Variants in SEMA3D observed in about 807,000 individuals in gnomAD.
SEMA3D encodes the protein semaphorin 3D.
A neutral mutation model predicts 100.1 loss-of-function variants in SEMA3D; 84 were observed. The ratio of observed to expected loss-of-function variants is 0.84; its 90% CI spans 0.70 to 1.01. The LOEUF is 1.01. Ranked by LOEUF, SEMA3D falls within the 50% of genes least tolerant of loss-of-function variation. The probability of loss-of-function intolerance (pLI) is 0.00; values close to 1 mark genes in which losing one functional copy is unlikely to be tolerated. For synonymous variants in SEMA3D, 312 were observed against 320.7 expected (o/e 0.97, Z 0.29); for missense variants, 875 against 934.1 (o/e 0.94, Z 0.82).
chr7:85,105,545 GA>G (rs1469469816), intron 3 of SEMA3D, among the ~76,000 whole-genome samples: 1 of 151,944 alleles, frequency 6.6e-6, no homozygotes, highest in Non-Finnish European at 1.5e-5. Context: ...AGCATATAAA[GA>G]AAAAATATTA....
intron 12 of SEMA3D, chr7:85,029,446 A>C: frequency 2.7e-6 from 2 of 751,362 alleles, no homozygotes; most frequent in Non-Finnish European, 4.9e-6. Context: ...CAAGATTAAC[A>C]ATGAGCACAA....
the SEMA3D span, among the ~76,000 whole-genome samples, chr7:85,214,847 C>T: frequency 2.0e-5 from 3 of 151,978 alleles, no homozygotes; most frequent in Non-Finnish European, 4.4e-5. Flanking sequence ...ACATATAAAC[C>T]CAATATCAAG....
chr7:85,201,788 G>A, the SEMA3D span, among the ~76,000 whole-genome samples: 2 of 151,858 alleles, frequency 1.3e-5, no homozygotes, highest in South Asian at 2.1e-4. Context: ...GAGCGGTGAT[G>A]CAATCAGGGC....
At chr7:85,188,189 C>T (rs1791614512), upstream of SEMA3D, among the ~76,000 whole-genome samples, 1 of 152,180 alleles carries the variant, frequency 6.6e-6, no homozygotes, top group Admixed American at 6.5e-5. Context: ...GGGCTGAGGG[C>T]CACAGAAGCT....
chr7:85,244,404 G>A, the SEMA3D span, among the ~76,000 whole-genome samples: 7 of 152,246 alleles, frequency 4.6e-5, no homozygotes, highest in African/African-American at 1.4e-4. Flanking sequence ...CATATTGGGA[G>A]TCAAATCTTA....
In SEMA3D at chr7:85,167,479, G is replaced by C. The variant is rs902257271; in HGVS notation, c.-172-13740C>G. 1.3e-4 allele frequency: 79 copies of C among 607,046 alleles called. No homozygotes were observed. The Admixed American group carries it at 2.8e-3, about 21-fold the overall frequency. 37.6% of individuals were successfully genotyped at this position (607,046 alleles called of 1,614,324 possible). On this transcript the variant is annotated intron_variant, in intron 1 of 18. Transcript: ENST00000284136. Reference sequence around the variant, plus strand: ...TAATGTTGGACGTCTATTTGTGGTAGATTAGTAAGAATGTGACTTTGCCCA... The same window carrying C: ...TAATGTTGGACGTCTATTTGTGGTACATTAGTAAGAATGTGACTTTGCCCA...
chr7:85,245,826 TC>T, the SEMA3D span, among the ~76,000 whole-genome samples: 1 of 152,144 alleles, frequency 6.6e-6, no homozygotes, highest in Non-Finnish European at 1.5e-5. Flanking sequence ...AAGGTATTTC[TC>T]ACATAGTAAC....
At chr7:85,095,935 T>C (rs1788536936) in intron 4 of SEMA3D, among the ~76,000 whole-genome samples, 1 of 151,988 alleles carries the variant, frequency 6.6e-6, no homozygotes. Context: ...CAGGAAGTTA[T>C]AAGAATTTAT....
chr7:85,172,001 TATAG>T (rs1189068951), intron 1 of SEMA3D, among the ~76,000 whole-genome samples: 4 of 151,456 alleles, frequency 2.6e-5, no homozygotes, highest in African/African-American at 7.3e-5. Context: ...TTATAATATA[TATAG>T]AGAGAGACAC....
At chr7:85,131,020 T>TA (rs1789712257) in intron 2 of SEMA3D, among the ~76,000 whole-genome samples, 1 of 152,128 alleles carries the variant, frequency 6.6e-6, no homozygotes, top group African/African-American at 2.4e-5. Context: ...AACCATGATG[T>TA]AAAGCACCGC....
the SEMA3D span, among the ~76,000 whole-genome samples, chr7:85,239,077 G>A: frequency 6.6e-6 from 1 of 152,106 alleles, no homozygotes; most frequent in East Asian, 1.9e-4. Context: ...ACCTTATTAA[G>A]GTTTATCAAT....
chr7:85,177,907 A>C, intron 1 of SEMA3D, among the ~76,000 whole-genome samples: 1 of 152,152 alleles, frequency 6.6e-6, no homozygotes, highest in Non-Finnish European at 1.5e-5. Context: ...TCCAAATTGT[A>C]ATACCCATGC....
chr7:85,008,909 T>A (rs974406220), intron 17 of SEMA3D, among the ~76,000 whole-genome samples: 11 of 151,744 alleles, frequency 7.2e-5, no homozygotes, highest in African/African-American at 2.4e-4. Context: ...GCTATGCGTA[T>A]AAGGTGTATA....
At chr7:85,154,854 AC>A (rs1790537798) in intron 1 of SEMA3D, among the ~76,000 whole-genome samples, 1 of 152,190 alleles carries the variant, frequency 6.6e-6, no homozygotes, top group Non-Finnish European at 1.5e-5. Flanking sequence ...AAACCTTTTT[AC>A]AAAAAATATG....
At chr7:85,141,603 C>T (rs1163206938) in intron 2 of SEMA3D, 1 of 983,824 alleles carries the variant, frequency 1.0e-6, no homozygotes, top group East Asian at 1.1e-4. Flanking sequence ...TTTGTGATCT[C>T]TATAAATCAT....
intron 1 of SEMA3D, among the ~76,000 whole-genome samples, chr7:85,158,202 C>A (rs552715715): frequency 6.6e-6 from 1 of 152,244 alleles, no homozygotes; most frequent in Admixed American, 6.5e-5. Flanking sequence ...AGAGAGATAA[C>A]CTTAAACTCT....
chr7:85,037,457 C>G lies in SEMA3D; in HGVS notation c.1047-424G>C, dbSNP rs147929239. On this transcript the variant is annotated intron_variant, in intron 11 of 18. Coordinates refer to ENST00000284136, the MANE Select transcript of SEMA3D (RefSeq NM_001384900.1). ...AAAGTTATTATGGCATAATGCCTTC[C>G]AAAGGCTTACAAAATAAAAAGTGAC... 5.3e-5 allele frequency among the ~76,000 whole-genome samples: 8 copies of G among 152,066 alleles called. No homozygotes were observed. In the East Asian group the frequency reaches 1.6e-3, roughly 29 times the overall value.
intron 17 of SEMA3D, 100 bp from the exon 18 acceptor site, chr7:85,007,041 T>C: frequency 3.9e-6 from 3 of 771,550 alleles, no homozygotes; most frequent in Non-Finnish European, 6.0e-6. Context: ...GAAAGAATCA[T>C]ATACATTATT....
At chr7:85,059,057 A>T (rs1791404641) in intron 8 of SEMA3D, among the ~76,000 whole-genome samples, 1 of 152,196 alleles carries the variant, frequency 6.6e-6, no homozygotes, top group Non-Finnish European at 1.5e-5. Context: ...ATGAACAGAG[A>T]AAAACAACCA....
Sources: allele counts gnomAD v4.1 joint callset (sites outside exome capture counted in the v4.1 genomes callset), GRCh38; gene constraint gnomAD v4.1.1; transcripts MANE v1.5; gene names NCBI Gene and HGNC (gene_info 2026-07-23, HGNC 2026-07-21).